DMC1: variants seen among roughly 807,000 people sequenced by gnomAD.
DMC1 encodes the protein DNA meiotic recombinase 1, also known as meiotic recombination protein DMC1 homolog.
Under a neutral mutation model 50.1 loss-of-function variants are expected in DMC1, and 27 were observed. The observed-to-expected ratio is 0.54, with a 90% confidence interval of 0.40 to 0.74. The LOEUF (loss-of-function observed/expected upper bound fraction) is 0.74. Among genes scored for constraint, DMC1 ranks in the 30% least tolerant of loss-of-function variants. DMC1 has a pLI of 0.00. For missense variants in DMC1, 295 were observed against 420.2 expected (o/e 0.70, Z 2.60); for synonymous variants, 148 against 136.1 (o/e 1.09, Z -0.61).
At position 38,532,953 on chromosome 22, in the gene DMC1, A is replaced by T. The variant is rs1030884840; in HGVS notation, c.836+4639T>A. On this transcript the variant is annotated intron_variant, in intron 12 of 13. Transcript: ENST00000216024. ...TTTTGTTCACTAGTGAATTCTCAGA[A>T]TATTGTTACATAGTAGATTTTCAAT... Among the ~76,000 whole-genome samples the T allele has an allele frequency of 3.3e-5, 5 of 152,154 alleles. No homozygotes were observed. In the East Asian group the frequency reaches 7.7e-4, roughly 23 times the overall value.
rs771535595 is a variant in DMC1 at position 38,563,702 on chromosome 22, A to AT, written c.244-1334dup. Among the ~76,000 whole-genome samples, 731 of 142,484 alleles carry AT rather than the reference A, an allele frequency of 5.1e-3. 6 individuals carry two copies. Among genetic ancestry groups the AT allele is most frequent in the African/African-American group, 0.013 (519 of 39,078 alleles). The allele number at this position is 142,484 out of a possible 152,430, so 93.5% of individuals were successfully genotyped here. A position where few individuals can be genotyped will look rare whatever the true frequency, so the allele number is the denominator to read the frequency against. On this transcript the variant is annotated intron_variant, in intron 4 of 13. Transcript: ENST00000216024. ...GACCACCCCTCCCCCATCTCCACAA[A>AT]TTTTTTTTTTTTTTTGAGATGGAGT...
At chr22:38,533,643 C>T (rs1160939388) in intron 12 of DMC1, among the ~76,000 whole-genome samples, 1 of 152,050 alleles carries the variant, frequency 6.6e-6, no homozygotes, top group Non-Finnish European at 1.5e-5. Context: ...TGTATTGCAA[C>T]CATCAGAGTA....
intron 2 of DMC1, 36 bp downstream of exon 2, chr22:38,568,170 C>T (rs749317418): frequency 1.9e-6 from 3 of 1,594,160 alleles, no homozygotes; most frequent in East Asian, 2.2e-5. Flanking sequence ...GCGGAATGAT[C>T]GAATGTCTAT....
intron 13 of DMC1, 71 bp downstream of exon 13, chr22:38,521,537 C>CCA: frequency 1.2e-6 from 1 of 866,736 alleles, no homozygotes; most frequent in Non-Finnish European, 1.7e-6. Context: ...AACCCCGTCT[C>CCA]TACACACACA....
intron 5 of DMC1, among the ~76,000 whole-genome samples, chr22:38,555,836 ATTT>A (rs113436661): frequency 4.1e-5 from 6 of 146,712 alleles, no homozygotes; most frequent in African/African-American, 1.2e-4. Flanking sequence ...TATTATTATT[ATTT>A]TTTTTTTTTC....
At chr22:38,526,812 C>T (rs2090096732) in intron 12 of DMC1, among the ~76,000 whole-genome samples, 1 of 152,066 alleles carries the variant, frequency 6.6e-6, no homozygotes, top group South Asian at 2.1e-4. Context: ...TTGAGGTCTA[C>T]TTACAGGGAG....
chr22:38,540,901 T>A (rs2090273902), intron 8 of DMC1, among the ~76,000 whole-genome samples: 1 of 152,194 alleles, frequency 6.6e-6, no homozygotes, highest in Non-Finnish European at 1.5e-5. Context: ...CAGCACTGAC[T>A]GAGTGGTTAA....
In DMC1 at chr22:38,519,675, A is replaced by G. The variant is rs143384593; in HGVS notation, c.*345T>C. ...TCACTTTGAAAAGTGAAAGGGAGGG[A>G]ATCACGTACTCCTTTCCCAACAACT... On this transcript the variant is annotated 3_prime_UTR_variant, in exon 14 of 14. Coordinates refer to ENST00000216024, the MANE Select transcript of DMC1 (RefSeq NM_007068.4). 1.3e-3 allele frequency: 362 copies of G among 285,506 alleles called. 1 individual carries two copies. The highest frequency in any genetic ancestry group is 7.6e-3 in the African/African-American group (347 of 45,664). The allele number at this position is 285,506 out of a possible 1,614,324, so 17.7% of individuals were successfully genotyped here.
intron 5 of DMC1, among the ~76,000 whole-genome samples, chr22:38,556,963 C>T (rs1445146513): frequency 1.3e-5 from 2 of 152,166 alleles, no homozygotes; most frequent in African/African-American, 4.8e-5. Context: ...AGGACATGGG[C>T]TAAGCGATCA....
the DMC1 span, among the ~76,000 whole-genome samples, chr22:38,510,192 G>A: frequency 6.6e-6 from 1 of 152,032 alleles, no homozygotes; most frequent in African/African-American, 2.4e-5. Flanking sequence ...AGTGGCTGAC[G>A]CCTGTAATCT....
At chr22:38,567,464 C>T (rs1326313915) in intron 3 of DMC1, 119 bp downstream of exon 3, 2 of 845,218 alleles carry the variant, frequency 2.4e-6, no homozygotes, top group East Asian at 2.4e-5. Context: ...TTGCAAACAC[C>T]CTACAATGCA....
downstream of DMC1, among the ~76,000 whole-genome samples, chr22:38,515,410 G>A (rs1488276342): frequency 6.7e-6 from 1 of 149,844 alleles, no homozygotes. Context: ...TCAGGAGGCG[G>A]AGGTTGCAAT....
At chr22:38,526,495 A>G (rs1299433707) in intron 12 of DMC1, among the ~76,000 whole-genome samples, 3 of 152,042 alleles carry the variant, frequency 2.0e-5, no homozygotes, top group African/African-American at 7.3e-5. Context: ...GGCGTGGGCC[A>G]CCACGCCTGG....
chr22:38,542,938 TA>T (rs1256421489), intron 8 of DMC1, among the ~76,000 whole-genome samples: 4 of 152,086 alleles, frequency 2.6e-5, no homozygotes, highest in Non-Finnish European at 4.4e-5. Context: ...AAGGTGCCAA[TA>T]ACATACATTG....
At chr22:38,560,274 G>A (rs2090512959) in intron 5 of DMC1, among the ~76,000 whole-genome samples, 1 of 152,070 alleles carries the variant, frequency 6.6e-6, no homozygotes, top group South Asian at 2.1e-4. Context: ...ATGATAGGCA[G>A]AGGCAGCACA....
intron 12 of DMC1, among the ~76,000 whole-genome samples, chr22:38,528,465 G>A (rs2090120096): frequency 6.6e-6 from 1 of 152,012 alleles, no homozygotes; most frequent in African/African-American, 2.4e-5. Context: ...TGGCACATAA[G>A]AGATCCTCGA....
chr22:38,567,236 A>C lies in DMC1; in HGVS notation c.96+347T>G, dbSNP rs1229040572. ...ATTAAATGTTAGGGCTACAACAGAT[A>C]ATGTCAGCACAGTTTTACTATCAAC... On this transcript the variant is annotated intron_variant, in intron 3 of 13. Coordinates refer to ENST00000216024, the MANE Select transcript of DMC1 (RefSeq NM_007068.4). 2.6e-5 allele frequency among the ~76,000 whole-genome samples: 4 copies of C among 152,218 alleles called. No homozygotes were observed. The East Asian group carries it at 7.7e-4, about 29-fold the overall frequency.
At chr22:38,549,849 T>C in intron 8 of DMC1, 76 bp downstream of exon 8, 1 of 1,096,704 alleles carries the variant, frequency 9.1e-7, no homozygotes, top group Non-Finnish European at 1.4e-6. Context: ...AAAGATTGTA[T>C]ATCTCAGACA....
At chr22:38,545,664 G>A (rs1483274480) in intron 8 of DMC1, 3 of 152,072 alleles carry the variant, frequency 2.0e-5, no homozygotes, top group Non-Finnish European at 4.4e-5. Flanking sequence ...CTCGTGATCC[G>A]CCCGCGTCGG....
Sources: gnomAD v4.1 joint callset for allele counts (sites outside exome capture counted in the v4.1 genomes callset) on GRCh38, gnomAD v4.1.1 for gene constraint, MANE v1.5 for transcripts, NCBI Gene and HGNC (gene_info 2026-07-23, HGNC 2026-07-21) for gene names.